Variants in HMCN1 observed in about 807,000 individuals in gnomAD.
The protein encoded by HMCN1 is hemicentin 1.
Under a neutral mutation model 625.9 loss-of-function variants are expected in HMCN1, and 321 were observed. The observed-to-expected ratio is 0.51, with a 90% CI of 0.47 to 0.56. The LOEUF is 0.56. HMCN1 is among the 20% of genes least tolerant of loss of function. The probability of loss-of-function intolerance (pLI) is 0.00; values close to 1 mark genes in which losing one functional copy is unlikely to be tolerated. For missense variants in HMCN1, 6,588 were observed against 6,887.3 expected, an observed-to-expected ratio of 0.96 and a Z score of 1.54; for synonymous variants, 2,425 against 2,417.6, an observed-to-expected ratio of 1.00 and a Z score of -0.09.
chr1:186,183,938 A>G (rs1344449233), intron 105 of HMCN1, among the ~76,000 whole-genome samples: 1 of 152,150 alleles, frequency 6.6e-6, no homozygotes. Flanking sequence ...CAGGTACCCC[A>G]GGCACCAAGG....
At chr1:186,147,216 C>T (rs969376025) in intron 93 of HMCN1, among the ~76,000 whole-genome samples, 3 of 152,176 alleles carry the variant, frequency 2.0e-5, no homozygotes, top group Non-Finnish European at 4.4e-5. Flanking sequence ...AGCCCTTCTG[C>T]CCTCCCTGGC....
At chr1:185,761,874 T>C (rs1221700457) in intron 1 of HMCN1, among the ~76,000 whole-genome samples, 7 of 152,110 alleles carry the variant, frequency 4.6e-5, no homozygotes, top group Non-Finnish European at 5.9e-5. Context: ...ATCTAATTAA[T>C]CCCCCCAGGT....
intron 2 of HMCN1, among the ~76,000 whole-genome samples, chr1:185,863,541 C>T (rs954016844): frequency 2.0e-5 from 3 of 152,148 alleles, no homozygotes; most frequent in Non-Finnish European, 4.4e-5. Flanking sequence ...TGCCATTATT[C>T]AAACCTGTGG....
intron 81 of HMCN1, among the ~76,000 whole-genome samples, chr1:186,124,676 A>G (rs973827216): frequency 2.0e-5 from 3 of 152,102 alleles, no homozygotes; most frequent in Non-Finnish European, 4.4e-5. Context: ...ATTTTAATCG[A>G]AAACAGTTAA....
At chr1:185,799,957 C>T (rs6683213) in intron 1 of HMCN1, among the ~76,000 whole-genome samples, 3,682 of 152,192 alleles carry the variant, frequency 0.024, 143 homozygotes, top group African/African-American at 0.082. Flanking sequence ...GGGTTGGGCA[C>T]GCCCATATGT....
intron 4 of HMCN1, among the ~76,000 whole-genome samples, chr1:185,906,721 TCTCAC>T (rs1666113991): frequency 6.6e-6 from 1 of 151,826 alleles, no homozygotes; most frequent in African/African-American, 2.4e-5. Context: ...ACTTGAAACA[TCTCAC>T]AATTCTTGCT....
chr1:186,029,112 T>G (rs1655249760), intron 36 of HMCN1, among the ~76,000 whole-genome samples: 1 of 152,062 alleles, frequency 6.6e-6, no homozygotes, highest in African/African-American at 2.4e-5. Flanking sequence ...TTATATTTGC[T>G]AAGTCTGGCT....
chr1:185,840,402 A>G (rs905603571), intron 1 of HMCN1, among the ~76,000 whole-genome samples: 10 of 152,192 alleles, frequency 6.6e-5, no homozygotes, highest in African/African-American at 2.4e-4. Flanking sequence ...TAGAATTTTT[A>G]GAAAGTGGGA....
intron 2 of HMCN1, among the ~76,000 whole-genome samples, chr1:185,849,623 C>G (rs944951559): frequency 1.1e-4 from 17 of 152,238 alleles, no homozygotes; most frequent in Non-Finnish European, 1.5e-4. Context: ...CGGATCTGCA[C>G]ATAGTAATGA....
At chr1:185,785,728 A>C (rs1389702805) in intron 1 of HMCN1, among the ~76,000 whole-genome samples, 2 of 152,200 alleles carry the variant, frequency 1.3e-5, no homozygotes, top group East Asian at 3.8e-4. Context: ...CAGTGTAACA[A>C]ATGTAATGTG....
intron 11 of HMCN1, among the ~76,000 whole-genome samples, chr1:185,936,290 A>G (rs1263923346): frequency 1.2e-4 from 18 of 152,148 alleles, no homozygotes; most frequent in Admixed American, 1.0e-3. Context: ...TAAATTATAT[A>G]TAAAGACTTC....
chr1:185,853,048 G>A (rs866925293), intron 2 of HMCN1, among the ~76,000 whole-genome samples: 5 of 151,930 alleles, frequency 3.3e-5, no homozygotes, highest in East Asian at 1.9e-4. Context: ...TTATTGCTTC[G>A]CTACTTTCCT....
chr1:185,929,275 G>A (rs897700794), intron 10 of HMCN1, among the ~76,000 whole-genome samples: 12 of 152,102 alleles, frequency 7.9e-5, no homozygotes, highest in African/African-American at 1.9e-4. Context: ...TACAATATTC[G>A]CACTAAGACG....
chr1:185,987,133 CAAA>C (rs551639173), intron 19 of HMCN1, among the ~76,000 whole-genome samples: 1 of 124,612 alleles, frequency 8.0e-6, no homozygotes. Flanking sequence ...GGGTTTCCAG[CAAA>C]AAAAAAAAAA....
Position 186,166,827 on chromosome 1 carries a change from G to A in HMCN1, c.15459G>A (p.Leu5153=), listed in dbSNP as rs1325155306. 2.5e-6 allele frequency: 4 copies of A among 1,614,094 alleles called. No individual in the cohort carries two copies. In the South Asian group the frequency reaches 4.4e-5, roughly 18 times the overall value. ...TTGCAGATATTGATGAGTGTGCTTT[G>A]GGTAGGCATACCTGCCACGCTGGTC... The part of the protein sequence containing the change: ...RTCQDIDECA[L]GRHTCHAGQD... The change falls in exon 100 of 107, where the codon TTG becomes TTA. Residue 5153 remains leucine, a synonymous_variant. Coordinates refer to ENST00000271588, the MANE Select transcript of HMCN1 (RefSeq NM_031935.3).
chr1:185,998,557 G>A (rs1009804869), intron 25 of HMCN1, among the ~76,000 whole-genome samples: 2 of 152,070 alleles, frequency 1.3e-5, no homozygotes, highest in African/African-American at 4.8e-5. Context: ...TACCATGAGT[G>A]TTCACTCCCA....
At chr1:185,905,499 A>G (rs977186554) in intron 4 of HMCN1, among the ~76,000 whole-genome samples, 1 of 151,814 alleles carries the variant, frequency 6.6e-6, no homozygotes, top group African/African-American at 2.4e-5. Flanking sequence ...TCTTGCCAGG[A>G]AGACAAAGGA....
rs534551635 is a variant in HMCN1, at chr1:186,031,676, C to T, written c.5750-6258C>T. Among the ~76,000 whole-genome samples the T allele has an allele frequency of 2.6e-5, 4 of 152,098 alleles. No individual in the cohort carries two copies. The South Asian group carries it at 8.3e-4, about 32-fold the overall frequency. On this transcript the variant is annotated intron_variant, in intron 36 of 106. Coordinates refer to ENST00000271588, the MANE Select transcript of HMCN1 (RefSeq NM_031935.3). ...GGTGTTTCCACAAGTCTTAGAGGCT[C>T]TATTCACTTTCTTTATTCTTTTTTC...
intron 75 of HMCN1, among the ~76,000 whole-genome samples, chr1:186,116,014 C>A (rs1336011393): frequency 6.6e-6 from 1 of 152,134 alleles, no homozygotes; most frequent in Non-Finnish European, 1.5e-5. Flanking sequence ...ATTACTCTGT[C>A]AAACATTTGC....
Sources: gnomAD v4.1 joint callset for allele counts (sites outside exome capture counted in the v4.1 genomes callset) on GRCh38, gnomAD v4.1.1 for gene constraint, MANE v1.5 for transcripts, NCBI Gene and HGNC (gene_info 2026-07-23, HGNC 2026-07-21) for gene names.